The following USP7 variants were observed in gnomAD, a reference collection of about 807,000 sequenced individuals.
The protein encoded by USP7 is ubiquitin C-terminal hydrolase 7.
Under a neutral mutation model 162.9 loss-of-function variants are expected in USP7, and 9 were observed. The ratio of observed to expected loss-of-function variants is 0.06; its 90% CI spans 0.03 to 0.10. The LOEUF (loss-of-function observed/expected upper bound fraction) is 0.10, where lower values mean the gene tolerates loss of function less well. Ranked by LOEUF, USP7 falls within the 10% of genes least tolerant of loss-of-function variation. The pLI is 1.00. For synonymous variants in USP7, 562 were observed against 475.9 expected, an observed-to-expected ratio of 1.18 and a Z score of -2.35; for missense variants, 715 against 1,373.7, an observed-to-expected ratio of 0.52 and a Z score of 7.58.
chr16:8,940,778 G>T (rs1899005253), intron 1 of USP7, among the ~76,000 whole-genome samples: 1 of 152,094 alleles, frequency 6.6e-6, no homozygotes, highest in African/African-American at 2.4e-5. Flanking sequence ...GCTGGCTTCA[G>T]GTAGGGCCCT....
At position 8,899,830 on chromosome 16, in the gene USP7, C is replaced by T. The variant is rs2061745968; in HGVS notation, c.2310-73G>A. ...GGGTAGCTGGTAAAAATGGCATCAT[C>T]TTTTACACAACAGTGACACCAACAG... is the stretch of plus-strand genomic sequence containing the variant. On this transcript the variant is annotated intron_variant, in intron 21 of 30. Transcript: ENST00000344836. The T allele has an allele frequency of 2.0e-6, 3 of 1,534,152 alleles. No individual in the cohort carries two copies. In the South Asian group the frequency reaches 3.4e-5, roughly 17 times the overall value.
chr16:8,963,321 G>T lies in USP7; in HGVS notation c.-36C>A, dbSNP rs758094459. The T allele has an allele frequency of 1.1e-6, 1 of 927,186 alleles. No individual in the cohort carries two copies. The highest frequency in any genetic ancestry group is 1.3e-6 in the Non-Finnish European group (1 of 760,812). 57.4% of individuals were successfully genotyped at this position (927,186 alleles called of 1,614,324 possible). ...GCCTGGGCCTCGCCTGCGGCCGGGG[G>T]CCGGGGCTGCGAGCCCGGCGGGCGG... is the stretch of plus-strand genomic sequence containing the variant. On this transcript the variant is annotated 5_prime_UTR_variant, in exon 1 of 31. Transcript: ENST00000344836.
chr16:8,930,585 G>A (rs1303367885), intron 1 of USP7, among the ~76,000 whole-genome samples, 188 bp from the exon 2 acceptor site: 3 of 151,972 alleles, frequency 2.0e-5, no homozygotes, highest in Non-Finnish European at 2.9e-5. Flanking sequence ...TCGCTGTTTC[G>A]AAACACTAAA....
chr16:8,900,230 AAGG>A (rs1259148532), intron 21 of USP7: 4 of 337,360 alleles, frequency 1.2e-5, no homozygotes, highest in African/African-American at 8.6e-5. Flanking sequence ...GGTACATTCT[AAGG>A]AGTTTCGATT....
At position 8,930,530 on chromosome 16, in the gene USP7, C is replaced by G. The variant is rs546354224; in HGVS notation, c.80-133G>C. 1.3e-5 allele frequency: 8 copies of G among 614,978 alleles called. No homozygotes were observed. In the African/African-American group the frequency reaches 1.3e-4, roughly 10 times the overall value. 38.1% of individuals were successfully genotyped at this position (614,978 alleles called of 1,614,324 possible). ...AATTGTACCACAATAAAGATTCATT[C>G]TAATCCAAAAAATATTTATACTAAT... On this transcript the variant is annotated intron_variant, in intron 1 of 30. Coordinates refer to ENST00000344836, the MANE Select transcript of USP7 (RefSeq NM_003470.3).
At chr16:8,946,972 G>A (rs943866404) in intron 1 of USP7, among the ~76,000 whole-genome samples, 5 of 152,164 alleles carry the variant, frequency 3.3e-5, no homozygotes, top group African/African-American at 1.2e-4. Context: ...AGTGCATGAC[G>A]AACTTAAGGT....
chr16:8,957,278 T>G (rs1485257274), intron 1 of USP7, among the ~76,000 whole-genome samples: 2 of 152,210 alleles, frequency 1.3e-5, no homozygotes, highest in Non-Finnish European at 2.9e-5. Flanking sequence ...CCAACTTTCT[T>G]AAGTCCAAAT....
intron 12 of USP7, among the ~76,000 whole-genome samples, chr16:8,907,679 T>G (rs980904498): frequency 2.0e-4 from 31 of 151,994 alleles, no homozygotes; most frequent in African/African-American, 7.0e-4. Flanking sequence ...CTGTCTCTAC[T>G]AAAAATACAA....
Position 8,897,087 on chromosome 16 carries a change from A to G in USP7, c.2731T>C (p.Tyr911His), listed in dbSNP as rs1283714689. Residue 911 changes from tyrosine to histidine, a missense_variant, in exon 26 of 31, where the codon TAT (tyrosine) becomes CAT (histidine). Tyr to His is a moderately conservative substitution (Grantham distance 83). Transcript: ENST00000344836. ...SQFREEEITL[Y>H]PDKHGCVRDL... ...CGGACACACCCATGCTTGTCTGGAT[A>G]TAGTGTTATTTCCTAAGTAATGAAA... 1.9e-6 allele frequency: 3 copies of G among 1,612,946 alleles called. No individual in the cohort carries two copies. Among genetic ancestry groups the G allele is most frequent in the Admixed American group, 1.7e-5 (1 of 60,026 alleles).
chr16:8,897,133 A>T, intron 25 of USP7, 34 bp from the exon 26 acceptor site: 3 of 1,516,178 alleles, frequency 2.0e-6, no homozygotes, highest in Non-Finnish European at 2.7e-6. Flanking sequence ...AGTGCTTTCA[A>T]GAAAGCATAA....
intron 2 of USP7, among the ~76,000 whole-genome samples, chr16:8,927,140 G>C (rs772751675): frequency 1.3e-5 from 2 of 152,080 alleles, no homozygotes; most frequent in Admixed American, 1.3e-4. Flanking sequence ...GGCCAACATA[G>C]TGAAACCCCG....
chr16:8,908,689 G>C (rs1236160930), intron 11 of USP7, among the ~76,000 whole-genome samples: 8 of 152,160 alleles, frequency 5.3e-5, no homozygotes. Flanking sequence ...CTCTTACCTT[G>C]GATTATATTC....
At position 8,923,420 on chromosome 16, in the gene USP7, A is replaced by G; in HGVS notation, c.185-7T>C. 1 of 1,613,988 alleles carries G rather than the reference A, an allele frequency of 6.2e-7. No individual in the cohort carries two copies. The highest frequency in any genetic ancestry group is 1.1e-5 in the South Asian group (1 of 91,076). On this transcript the variant is annotated splice_region_variant and splice_polypyrimidine_tract_variant and intron_variant, in intron 2 of 30. Transcript: ENST00000344836. ...TCGGAGCGCCAACTGGTGTCTGCAAAAAAAACACATCATCAGTCACAGAGC... is the reference window on the plus strand; with the variant it reads ...TCGGAGCGCCAACTGGTGTCTGCAAGAAAAACACATCATCAGTCACAGAGC...
At chr16:8,940,299 T>C (rs182331984) in intron 1 of USP7, among the ~76,000 whole-genome samples, 3 of 152,304 alleles carry the variant, frequency 2.0e-5, no homozygotes, top group Non-Finnish European at 4.4e-5. Context: ...CTTTGTCCAA[T>C]GGCAAATGTC....
chr16:8,934,109 C>G (rs193023783), intron 1 of USP7, among the ~76,000 whole-genome samples: 3 of 152,148 alleles, frequency 2.0e-5, no homozygotes, highest in Admixed American at 2.0e-4. Context: ...TTTTAACTTC[C>G]TTGGTTCAAA....
At chr16:8,916,688 T>C in intron 7 of USP7, 132 bp from the exon 8 acceptor site, 1 of 946,292 alleles carries the variant, frequency 1.1e-6, no homozygotes, top group East Asian at 2.6e-5. Context: ...TGAAGATTAT[T>C]TTTGGGAGTC....
intron 2 of USP7, among the ~76,000 whole-genome samples, chr16:8,929,212 G>A (rs1898183441): frequency 2.0e-5 from 3 of 152,110 alleles, no homozygotes; most frequent in African/African-American, 7.2e-5. Context: ...CTTCCCAAAT[G>A]CACTCACTCA....
chr16:8,915,121 G>T, intron 10 of USP7, 133 bp downstream of exon 10: 1 of 831,168 alleles, frequency 1.2e-6, no homozygotes, highest in Non-Finnish European at 1.8e-6. Context: ...TTCACCCAGT[G>T]AGCTGTTTGC....
At chr16:8,938,754 T>C (rs1344004970) in intron 1 of USP7, among the ~76,000 whole-genome samples, 1 of 151,522 alleles carries the variant, frequency 6.6e-6, no homozygotes, top group Non-Finnish European at 1.5e-5. Context: ...GTACCAAACA[T>C]GTACAGATTT....
Sources: allele counts gnomAD v4.1 joint callset (sites outside exome capture counted in the v4.1 genomes callset), GRCh38; gene constraint gnomAD v4.1.1; transcripts MANE v1.5; gene names NCBI Gene and HGNC (gene_info 2026-07-23, HGNC 2026-07-21).